NBEAL2: variants seen among roughly 807,000 people sequenced by gnomAD.
NBEAL2 encodes the protein neurobeachin like 2, also known as neurobeachin-like protein 2.
NBEAL2 carries 160 observed loss-of-function variants against 299.8 expected under a neutral mutation model. The observed-to-expected ratio is 0.53, with a 90% CI of 0.47 to 0.61. The LOEUF is 0.61. Ranked by LOEUF, NBEAL2 falls within the 20% of genes least tolerant of loss-of-function variation. The pLI, the probability that NBEAL2 is intolerant of heterozygous loss-of-function variation, is 0.00. For synonymous variants in NBEAL2, 1,493 were observed against 1,542.3 expected (o/e 0.97, Z 0.75); for missense variants, 3,112 against 3,649.0 (o/e 0.85, Z 3.79).
Position 47,007,852 on chromosome 3 carries a change from T to C in NBEAL2, c.7544T>C (p.Ile2515Thr). ...TGCCTTGCACTGGACACCTGTGGCA[T>C]CTACCTCATCTCAGGCTCCCGGGAC... ...VTCLALDTCG[I>T]YLISGSRDTT... The change falls in exon 49 of 54, where the codon ATC becomes ACC. Residue 2515 changes from isoleucine (I) to threonine (T), a missense_variant. Ile to Thr is a moderately conservative substitution (Grantham distance 89). Transcript: ENST00000450053. 6.2e-7 allele frequency: 1 copy of C among 1,613,688 alleles called. No homozygotes were observed. Among genetic ancestry groups the C allele is most frequent in the African/African-American group, 1.3e-5 (1 of 75,046 alleles).
Position 47,001,376 on chromosome 3 carries a change from C to A in NBEAL2, c.4582C>A (p.Arg1528Ser), listed in dbSNP as rs777042823. 1 of 1,613,180 alleles carries A rather than the reference C, an allele frequency of 6.2e-7. No individual in the cohort carries two copies. The highest frequency in any genetic ancestry group is 8.5e-7 in the Non-Finnish European group (1 of 1,179,868). Residue 1528 changes from arginine (R) to serine (S), a missense_variant, in exon 29 of 54, where the codon CGT becomes AGT. Arg to Ser is a moderately radical substitution (Grantham distance 110). Coordinates refer to ENST00000450053, the MANE Select transcript of NBEAL2 (RefSeq NM_015175.3). This position sits in a 1 kb window ranked among gnomAD's most constrained non-coding sequence, Gnocchi z 6.1. ...CACCCAGCAAGCGCTTTGGCTGCTGCGTCTGCTGCAGGACTTCCTGTGTGC... is the reference window on the plus strand; with the variant it reads ...CACCCAGCAAGCGCTTTGGCTGCTGAGTCTGCTGCAGGACTTCCTGTGTGC... Reference protein sequence around the residue: ...SLTQQALWLLRLLQDFLCAEG... With the variant: ...SLTQQALWLLSLLQDFLCAEG...
intron 32 of NBEAL2, 57 bp from the exon 33 acceptor site, chr3:47,002,588 G>T: frequency 6.2e-7 from 1 of 1,607,626 alleles, no homozygotes. Context: ...CTGACAATGT[G>T]GAGAAACGGG....
intron 32 of NBEAL2, 24 bp from the exon 33 acceptor site, chr3:47,002,621 A>C (rs1575616891): frequency 6.2e-7 from 1 of 1,608,330 alleles, no homozygotes; most frequent in Admixed American, 1.7e-5. Flanking sequence ...CAGCCAGGGG[A>C]CTGACCTATT....
chr3:47,009,625 AG>A lies in NBEAL2; in HGVS notation c.*308del. 1 of 426,380 alleles carries A rather than the reference AG, an allele frequency of 2.3e-6. No individual in the cohort carries two copies. The highest frequency in any genetic ancestry group is 4.2e-5 in the East Asian group (1 of 23,786). 26.4% of individuals were successfully genotyped at this position (426,380 alleles called of 1,614,324 possible). ...CAAGTCGCTGTTTCGTCAAAGCACG[AG>A]GGCCGCCTGTGGCCTTAATTCCTAA... On this transcript the variant is annotated 3_prime_UTR_variant, in exon 54 of 54. Coordinates refer to ENST00000450053, the MANE Select transcript of NBEAL2 (RefSeq NM_015175.3).
At position 47,007,648 on chromosome 3, in the gene NBEAL2, G is replaced by C. The variant is rs925322123; in HGVS notation, c.7458G>C (p.Val2486=). ...SGGHWDGSLR[V]TALPRGKLLS... Reference sequence around the variant, plus strand: ...GCCACTGGGATGGCAGCCTGCGGGTGACTGCACTACCCCGTGGCAAGCTGT... The same window carrying C: ...GCCACTGGGATGGCAGCCTGCGGGTCACTGCACTACCCCGTGGCAAGCTGT... Residue 2486 remains valine (V), a synonymous_variant, in exon 48 of 54, where the codon GTG becomes GTC. Transcript: ENST00000450053. The C allele has an allele frequency of 3.7e-6, 6 of 1,611,372 alleles. No homozygotes were observed. In the Admixed American group the frequency reaches 1.0e-4, roughly 27 times the overall value.
At position 46,991,674 on chromosome 3, in the gene NBEAL2, G is replaced by A. The variant is rs1258088710; in HGVS notation, c.911G>A (p.Arg304Gln). The change falls in exon 8 of 54, where the codon CGG becomes CAG. Residue 304 changes from arginine to glutamine, a missense_variant. By Grantham distance (43) the Arg-to-Gln change is conservative. This residue lies in a region of NBEAL2 where 2,243 missense variants were observed against 2,538.1 expected (regional missense o/e 0.88). Coordinates refer to ENST00000450053, the MANE Select transcript of NBEAL2 (RefSeq NM_015175.3). The surrounding 1 kb of genome is among the most constrained non-coding windows in gnomAD (Gnocchi z 6.2). ...SGPEEALVTL[R>Q]VSMLDAIPMM... ...CCCGAAGAGGCCCTTGTCACCCTCC[G>A]GGTCAGCATGCTCGGTGGGTATGGG... 10 of 1,597,094 alleles carry A rather than the reference G, an allele frequency of 6.3e-6. No individual in the cohort carries two copies. The highest frequency in any genetic ancestry group is 3.3e-5 in the South Asian group (3 of 90,530).
intron 26 of NBEAL2, 72 bp from the exon 27 acceptor site, chr3:46,999,817 T>C (rs1399537978): frequency 1.9e-6 from 3 of 1,596,410 alleles, no homozygotes; most frequent in Non-Finnish European, 2.6e-6. Flanking sequence ...AGCCCTCCTC[T>C]GCAAAGGCCC....
At position 47,000,372 on chromosome 3, in the gene NBEAL2, G is replaced by A. The variant is rs1466838377; in HGVS notation, c.4273G>A (p.Gly1425Arg). The A allele has an allele frequency of 1.1e-5, 17 of 1,587,894 alleles. No homozygotes were observed. The highest frequency in any genetic ancestry group is 1.3e-5 in the African/African-American group (1 of 74,516). ...DGSLPEPTIS[G>R]DDTSNTSNPQ... ...CAGCCTCCCGGAGCCCACCATTAGC[G>A]GGGATGATACCTCGAACACCAGCAA... The change falls in exon 27 of 54, where the codon GGG (glycine) becomes AGG (arginine). Residue 1425 changes from glycine to arginine, a missense_variant. Around this residue, in one of 3 missense-constraint regions of NBEAL2, gnomAD observed 2,243 missense variants for 2,538.1 expected, o/e 0.88. Coordinates refer to ENST00000450053, the MANE Select transcript of NBEAL2 (RefSeq NM_015175.3). This position sits in a 1 kb window ranked among gnomAD's most constrained non-coding sequence, Gnocchi z 4.5.
At position 47,003,364 on chromosome 3, in the gene NBEAL2, A is replaced by G; in HGVS notation, c.5720+55A>G. On this transcript the variant is annotated intron_variant, in intron 35 of 53. Transcript: ENST00000450053. This position sits in a 1 kb window ranked among gnomAD's most constrained non-coding sequence, Gnocchi z 7.0. The stretch of plus-strand genomic sequence containing the variant: ...GTGTGGTGGGCAAGGGGTCTGCTCC[A>G]GTGTGTGCATGCCTCTGTGGGATCA... 6.3e-7 allele frequency: 1 copy of G among 1,586,202 alleles called. No homozygotes were observed. Among genetic ancestry groups the G allele is most frequent in the African/African-American group, 1.3e-5 (1 of 74,230 alleles).
intron 1 of NBEAL2, among the ~76,000 whole-genome samples, chr3:46,983,266 C>T (rs956199447): frequency 6.6e-6 from 1 of 151,512 alleles, no homozygotes; most frequent in Non-Finnish European, 1.5e-5. Flanking sequence ...TCTCAGAAAC[C>T]TGGTCAGGCC....
chr3:46,980,373 G>T (rs937632627), intron 1 of NBEAL2, among the ~76,000 whole-genome samples: 2 of 152,166 alleles, frequency 1.3e-5, no homozygotes, highest in East Asian at 1.9e-4. Context: ...GGGTCTGGGG[G>T]TGTGGGCCAA....
Position 47,002,996 on chromosome 3 carries a change from G to A in NBEAL2, c.5499G>A (p.Glu1833=), listed in dbSNP as rs1202537396. ...CCCGCTGGAAACTGTCCAGCGCCGA[G>A]ACATATTCACGCATGCGTCTGAAGC... is the stretch of plus-strand genomic sequence containing the variant. ...PIPRWKLSSA[E]TYSRMRLKLV... is the part of the protein sequence containing the mutation. The change falls in exon 34 of 54, where the codon GAG becomes GAA. Residue 1833 remains glutamate, a synonymous_variant. Coordinates refer to ENST00000450053, the MANE Select transcript of NBEAL2 (RefSeq NM_015175.3). 6.2e-7 allele frequency: 1 copy of A among 1,613,522 alleles called. No homozygotes were observed. The highest frequency in any genetic ancestry group is 8.5e-7 in the Non-Finnish European group (1 of 1,179,836).
rs761465234 is a variant in NBEAL2, at chr3:46,989,366, G to C, written c.458G>C (p.Arg153Pro). 1 of 1,579,274 alleles carries C rather than the reference G, an allele frequency of 6.3e-7. No homozygotes were observed. The highest frequency in any genetic ancestry group is 8.6e-7 in the Non-Finnish European group (1 of 1,162,782). The change falls in exon 5 of 54, where the codon CGG becomes CCG. Residue 153 changes from arginine (R) to proline (P), a missense_variant. This residue lies in a region of NBEAL2 where 2,243 missense variants were observed against 2,538.1 expected (regional missense o/e 0.88). Coordinates refer to ENST00000450053, the MANE Select transcript of NBEAL2 (RefSeq NM_015175.3). This position sits in a 1 kb window ranked among gnomAD's most constrained non-coding sequence, Gnocchi z 5.5. ...EGLFDPYQTW[R>P]RQRSGEVISS... ...CTCTTTGACCCTTACCAAACCTGGC[G>C]GCGCCAGCGCAGTGGGTGAGACCCA...
intron 1 of NBEAL2, among the ~76,000 whole-genome samples, chr3:46,987,731 G>T (rs1039390763): frequency 1.3e-5 from 2 of 152,150 alleles, no homozygotes; most frequent in Non-Finnish European, 2.9e-5. Context: ...CTGGATAAGA[G>T]CTCTTCCAGG....
At chr3:47,006,116 G>A (rs780248653) in intron 43 of NBEAL2, 49 bp from the exon 44 acceptor site, 2 of 1,612,826 alleles carry the variant, frequency 1.2e-6, no homozygotes, top group Non-Finnish European at 1.7e-6. Context: ...AGGTCGGGTG[G>A]ATGCAGAGGG....
In NBEAL2 at chr3:47,004,959, G is replaced by C. The variant is rs1273022976; in HGVS notation, c.6295-13G>C. 6.2e-7 allele frequency: 1 copy of C among 1,600,440 alleles called. No individual in the cohort carries two copies. Among genetic ancestry groups the C allele is most frequent in the Non-Finnish European group, 8.5e-7 (1 of 1,173,976 alleles). On this transcript the variant is annotated splice_polypyrimidine_tract_variant and intron_variant, in intron 38 of 53. Transcript: ENST00000450053. The surrounding 1 kb of genome is among the most constrained non-coding windows in gnomAD (Gnocchi z 5.0). Reference sequence around the variant, plus strand: ...AGGGCCCTCATGCAGCCCCTGCTCGGGTGGGTGGCCAGTTCCCCTGGGTCC... The same window carrying C: ...AGGGCCCTCATGCAGCCCCTGCTCGCGTGGGTGGCCAGTTCCCCTGGGTCC...
rs2036690656 is a variant in NBEAL2, at chr3:46,998,580, G to A, written c.3221+15G>A. On this transcript the variant is annotated intron_variant, in intron 22 of 53. Transcript: ENST00000450053. ...ACCCACTACAGGTGAGGCCAGTGGG[G>A]CCAGATGGGCCATGGGGGGCTGACA... The A allele has an allele frequency of 1.2e-6, 2 of 1,601,842 alleles. No individual in the cohort carries two copies. Among genetic ancestry groups the A allele is most frequent in the South Asian group, 2.2e-5 (2 of 89,236 alleles).
chr3:47,007,201 C>A (rs1240990806), intron 46 of NBEAL2, 40 bp from the exon 47 acceptor site: 2 of 1,609,568 alleles, frequency 1.2e-6, no homozygotes, highest in Admixed American at 3.4e-5. Flanking sequence ...CTCCCCCTTG[C>A]CTCTGCCAGA....
At position 46,995,990 on chromosome 3, in the gene NBEAL2, A is replaced by G. The variant is rs766771929; in HGVS notation, c.2090A>G (p.His697Arg). 17 of 1,613,034 alleles carry G rather than the reference A, an allele frequency of 1.1e-5. No homozygotes were observed. The Middle Eastern group carries it at 5.0e-4, about 47-fold the overall frequency. ...GRRPFSQNLV[H>R]VYKDGHLVKT... Reference sequence around the variant, plus strand: ...CGGCCCTTCAGCCAGAACCTGGTCCATGTCTACAAAGACGGCCATCTGGTC... The same window carrying G: ...CGGCCCTTCAGCCAGAACCTGGTCCGTGTCTACAAAGACGGCCATCTGGTC... The change falls in exon 15 of 54, where the codon CAT becomes CGT. Residue 697 changes from histidine to arginine, a missense_variant. Coordinates refer to ENST00000450053, the MANE Select transcript of NBEAL2 (RefSeq NM_015175.3).
Sources: allele counts gnomAD v4.1 joint callset (sites outside exome capture counted in the v4.1 genomes callset), GRCh38; gene constraint gnomAD v4.1.1; regional missense constraint gnomAD v4.1.1; non-coding constraint Gnocchi (gnomAD v3.1); transcripts MANE v1.5; gene names NCBI Gene and HGNC (gene_info 2026-07-23, HGNC 2026-07-21).